ANKS1B: variants seen among roughly 807,000 people sequenced by gnomAD.
ANKS1B encodes ankyrin repeat and sterile alpha motif domain containing 1B, also known as ankyrin repeat and sterile alpha motif domain-containing protein 1B.
In ANKS1B, 36 loss-of-function variants were observed where a neutral mutation model predicts 148.3. That is an observed-to-expected ratio of 0.24 (90% CI 0.19 to 0.32). The LOEUF (loss-of-function observed/expected upper bound fraction) is 0.32. Ranked by LOEUF, ANKS1B falls within the 10% of genes least tolerant of loss-of-function variation. The probability of loss-of-function intolerance (pLI) is 1.00; values close to 1 mark genes in which losing one functional copy is unlikely to be tolerated. For synonymous variants in ANKS1B, 542 were observed against 560.8 expected (o/e 0.97, Z 0.47); for missense variants, 1,157 against 1,542.6 (o/e 0.75, Z 4.19).
chr12:99,438,188 G>T (rs981874440), intron 11 of ANKS1B, among the ~76,000 whole-genome samples: 1 of 151,554 alleles, frequency 6.6e-6, no homozygotes, highest in Non-Finnish European at 1.5e-5. Flanking sequence ...TTAAGTTCCT[G>T]GTTCTCAACT....
At chr12:99,354,380 CA>C (rs2091769284) in intron 12 of ANKS1B, among the ~76,000 whole-genome samples, 1 of 151,964 alleles carries the variant, frequency 6.6e-6, no homozygotes, top group South Asian at 2.1e-4. Context: ...ATATAGTGGT[CA>C]AACTACATGC....
chr12:98,757,052 G>A (rs1481635506), intron 25 of ANKS1B, among the ~76,000 whole-genome samples: 16 of 148,038 alleles, frequency 1.1e-4, no homozygotes, highest in Non-Finnish European at 2.2e-4. Flanking sequence ...AAAAAAAAAA[G>A]GAAAAAAAAA....
intron 19 of ANKS1B, among the ~76,000 whole-genome samples, chr12:98,812,011 T>C (rs2099100481): frequency 1.3e-5 from 2 of 152,242 alleles, no homozygotes; most frequent in Non-Finnish European, 2.9e-5. Flanking sequence ...CCTAGTCATA[T>C]ACACTGAGAG....
intron 17 of ANKS1B, among the ~76,000 whole-genome samples, chr12:98,906,251 T>A (rs2099778921): frequency 6.6e-6 from 1 of 152,028 alleles, no homozygotes; most frequent in Non-Finnish European, 1.5e-5. Context: ...AACTACTGCA[T>A]AAAAGTGCCC....
intron 9 of ANKS1B, among the ~76,000 whole-genome samples, chr12:99,575,293 A>T (rs2097505259): frequency 6.6e-6 from 1 of 152,034 alleles, no homozygotes; most frequent in Admixed American, 6.6e-5. Flanking sequence ...TACAAACTAA[A>T]CTTCATACGT....
intron 11 of ANKS1B, among the ~76,000 whole-genome samples, chr12:99,409,909 T>C (rs1046896571): frequency 6.6e-6 from 1 of 152,252 alleles, no homozygotes; most frequent in Non-Finnish European, 1.5e-5. Context: ...CTTTGATATG[T>C]AGAATGAATT....
At chr12:99,979,329 C>T (rs2373116) in intron 1 of ANKS1B, among the ~76,000 whole-genome samples, 82,804 of 151,958 alleles carry the variant, frequency 0.54, 24,744 homozygotes, top group African/African-American at 0.76. Flanking sequence ...AGAGGTGTAA[C>T]AGTTCACTAA....
intron 10 of ANKS1B, among the ~76,000 whole-genome samples, chr12:99,484,926 A>G (rs920018809): frequency 6.6e-6 from 1 of 151,648 alleles, no homozygotes; most frequent in African/African-American, 2.4e-5. Flanking sequence ...CATATAATGA[A>G]TCTCCTGAAG....
Position 98,745,781 on chromosome 12 carries a change from G to T in ANKS1B, c.3816C>A (p.Ala1272=), listed in dbSNP as rs61932058. 36,233 of 1,613,696 alleles carry T rather than the reference G, an allele frequency of 0.022. 481 individuals are homozygous for T. Among genetic ancestry groups the T allele is most frequent in the South Asian group, 0.027 (2,484 of 91,036 alleles). ...CATACTTGGTATTAATGCCCCTCTT[G>T]GCTTCTTGGCCCGGCTCCACAATCC... ...LPWIVEPGQE[A]KRGINTKYET... The change falls in exon 27 of 27, where the codon GCC becomes GCA. Residue 1272 remains alanine (A), a synonymous_variant. Transcript: ENST00000683438.
intron 9 of ANKS1B, among the ~76,000 whole-genome samples, chr12:99,653,330 TTAAGATA>T (rs1468129871): frequency 6.6e-6 from 1 of 152,218 alleles, no homozygotes; most frequent in African/African-American, 2.4e-5. Context: ...GTAATTATTT[TTAAGATA>T]TAAGGCAAAG....
At chr12:99,027,917 T>A (rs2099949714) in intron 17 of ANKS1B, among the ~76,000 whole-genome samples, 1 of 152,230 alleles carries the variant, frequency 6.6e-6, no homozygotes, top group Non-Finnish European at 1.5e-5. Context: ...GTTATGATTA[T>A]TGCCATAGCT....
intron 14 of ANKS1B, among the ~76,000 whole-genome samples, chr12:99,209,788 G>T (rs1171162401): frequency 6.6e-6 from 1 of 152,102 alleles, no homozygotes; most frequent in African/African-American, 2.4e-5. Flanking sequence ...AATGGCTAAG[G>T]TCAGCCTGAT....
intron 12 of ANKS1B, among the ~76,000 whole-genome samples, chr12:99,397,689 G>A (rs751056797): frequency 2.6e-5 from 4 of 151,964 alleles, no homozygotes; most frequent in African/African-American, 7.3e-5. Context: ...AGATAATACC[G>A]AATTTATATA....
At chr12:99,445,701 C>T (rs11109844) in intron 10 of ANKS1B, among the ~76,000 whole-genome samples, 51,917 of 151,570 alleles carry the variant, frequency 0.34, 9,626 homozygotes, top group African/African-American at 0.49. Context: ...TCCCTGCCCT[C>T]GAGAAGTATA....
intron 9 of ANKS1B, among the ~76,000 whole-genome samples, chr12:99,585,700 C>T (rs1029057495): frequency 6.6e-6 from 1 of 152,210 alleles, no homozygotes; most frequent in African/African-American, 2.4e-5. Flanking sequence ...GTTCCCAAAC[C>T]TCAATTCTTG....
chr12:99,926,569 C>G (rs2094481690), intron 1 of ANKS1B, among the ~76,000 whole-genome samples: 1 of 152,244 alleles, frequency 6.6e-6, no homozygotes, highest in South Asian at 2.1e-4. Flanking sequence ...CAGAATGGAA[C>G]CACATCGCTG....
chr12:99,810,506 G>A (rs1030823315), intron 3 of ANKS1B, among the ~76,000 whole-genome samples: 34 of 151,964 alleles, frequency 2.2e-4, no homozygotes, highest in African/African-American at 8.0e-4. Context: ...AGCATCAAAA[G>A]AGTATACATA....
intron 8 of ANKS1B, among the ~76,000 whole-genome samples, chr12:99,718,049 G>A (rs1453540427): frequency 5.3e-5 from 8 of 151,404 alleles, no homozygotes; most frequent in African/African-American, 1.2e-4. Context: ...GACTACAGGC[G>A]CCCGCTACCA....
At chr12:99,552,377 T>C (rs1224392462) in intron 9 of ANKS1B, among the ~76,000 whole-genome samples, 1 of 152,214 alleles carries the variant, frequency 6.6e-6, no homozygotes, top group East Asian at 1.9e-4. Flanking sequence ...AGTAAATGAA[T>C]AGACAAATGT....
Sources: gnomAD v4.1 joint callset for allele counts (sites outside exome capture counted in the v4.1 genomes callset) on GRCh38, gnomAD v4.1.1 for gene constraint, MANE v1.5 for transcripts, NCBI Gene and HGNC (gene_info 2026-07-23, HGNC 2026-07-21) for gene names.